Variants in BTAF1 observed in about 807,000 individuals in gnomAD.
The protein encoded by BTAF1 is TATA-binding protein-associated factor 172.
A neutral mutation model predicts 227.1 loss-of-function variants in BTAF1; 38 were observed. The observed-to-expected ratio is 0.17, with a 90% confidence interval of 0.13 to 0.22. The LOEUF is 0.22. BTAF1 is among the 10% of genes least tolerant of loss of function. The probability of loss-of-function intolerance (pLI) is 1.00; values close to 1 mark genes in which losing one functional copy is unlikely to be tolerated. For synonymous variants in BTAF1, 742 were observed against 751.9 expected (o/e 0.99, Z 0.21); for missense variants, 1,598 against 2,204.0 (o/e 0.73, Z 5.51).
At chr10:91,928,302 A>G (rs1844008683) in intron 1 of BTAF1, among the ~76,000 whole-genome samples, 1 of 152,162 alleles carries the variant, frequency 6.6e-6, no homozygotes, top group Admixed American at 6.5e-5. Flanking sequence ...TCTGTAGCTG[A>G]ATTACATCTT....
In BTAF1 at chr10:91,962,524, G is replaced by A; in HGVS notation, c.1264-14G>A. Reference sequence around the variant, plus strand: ...GAATAGAAAATTAATTTATTTTCATGTACTGTTTTACAGGATGTAATTAAT... The same window carrying A: ...GAATAGAAAATTAATTTATTTTCATATACTGTTTTACAGGATGTAATTAAT... On this transcript the variant is annotated splice_polypyrimidine_tract_variant and intron_variant, in intron 11 of 37. Transcript: ENST00000265990. The A allele has an allele frequency of 5.4e-6, 8 of 1,482,804 alleles. No homozygotes were observed. The highest frequency in any genetic ancestry group is 1.8e-4 in the Middle Eastern group (1 of 5,670). The allele number at this position is 1,482,804 out of a possible 1,614,324, so 91.9% of individuals were successfully genotyped here. A position where few individuals can be genotyped will look rare whatever the true frequency, so the allele number is the denominator to read the frequency against.
intron 16 of BTAF1, 41 bp from the exon 17 acceptor site, chr10:91,982,042 A>G (rs771640367): frequency 2.5e-6 from 4 of 1,583,202 alleles, no homozygotes; most frequent in Middle Eastern, 3.4e-4. Flanking sequence ...TTCAGTTTTA[A>G]TGGTTAATCT....
intron 15 of BTAF1, 133 bp from the exon 16 acceptor site, chr10:91,981,510 C>G: frequency 1.1e-6 from 1 of 938,104 alleles, no homozygotes; most frequent in South Asian, 2.9e-5. Context: ...CAAAATAAGC[C>G]TCTATATTGA....
chr10:91,999,838 A>T (rs1025146438), intron 25 of BTAF1, among the ~76,000 whole-genome samples: 3 of 152,216 alleles, frequency 2.0e-5, no homozygotes, highest in Non-Finnish European at 4.4e-5. Flanking sequence ...TTAACATAGG[A>T]TTCCTTTTTT....
At chr10:92,005,527 T>C (rs1488464556) in intron 25 of BTAF1, among the ~76,000 whole-genome samples, 1 of 152,198 alleles carries the variant, frequency 6.6e-6, no homozygotes, top group East Asian at 1.9e-4. Context: ...TTTCAGTGTA[T>C]AGATCTTTCA....
chr10:91,997,620 G>A lies in BTAF1; in HGVS notation c.3529G>A (p.Asp1177Asn). The change falls in exon 25 of 38, where the codon GAT (aspartate) becomes AAT (asparagine). Residue 1177 changes from aspartate (D) to asparagine (N), a missense_variant. Asp to Asn is a conservative substitution (Grantham distance 23, BLOSUM62 1). Transcript: ENST00000265990. Reference protein sequence around the residue: ...EALACVMEQLDVGIVPYIVLL... With the variant: ...EALACVMEQLNVGIVPYIVLL... ...TTACTCAGGTGTAATGGAACAACTAGATGTTGGTATTGTTCCATATATTGT... is the reference window on the plus strand; with the variant it reads ...TTACTCAGGTGTAATGGAACAACTAAATGTTGGTATTGTTCCATATATTGT... The A allele has an allele frequency of 6.2e-7, 1 of 1,613,360 alleles. No individual in the cohort carries two copies. Among genetic ancestry groups the A allele is most frequent in the Non-Finnish European group, 8.5e-7 (1 of 1,179,462 alleles).
chr10:92,018,297 G>A (rs1480637867), intron 33 of BTAF1, among the ~76,000 whole-genome samples: 3 of 152,108 alleles, frequency 2.0e-5, no homozygotes, highest in African/African-American at 4.8e-5. Context: ...TTGGCCAGCT[G>A]GTCTTGAACT....
At chr10:91,952,009 G>C (rs1284677056) in intron 5 of BTAF1, among the ~76,000 whole-genome samples, 4 of 151,092 alleles carry the variant, frequency 2.6e-5, no homozygotes, top group Non-Finnish European at 2.9e-5. Context: ...ATAATATGAA[G>C]TAAAAGGAAG....
At position 92,028,774 on chromosome 10, in the gene BTAF1, G is replaced by A; in HGVS notation, c.5407-16G>A. 8.4e-7 allele frequency: 1 copy of A among 1,189,994 alleles called. No homozygotes were observed. The highest frequency in any genetic ancestry group is 2.1e-5 in the South Asian group (1 of 46,716). The allele number at this position is 1,189,994 out of a possible 1,614,324, so 73.7% of individuals were successfully genotyped here. On this transcript the variant is annotated splice_polypyrimidine_tract_variant and intron_variant, in intron 37 of 37. Transcript: ENST00000265990. ...CTCTCATTTTATTTTTTTTTTTTTTGCCAATTTTTCTTAAGGATGGCAAAG... is the reference window on the plus strand; with the variant it reads ...CTCTCATTTTATTTTTTTTTTTTTTACCAATTTTTCTTAAGGATGGCAAAG...
intron 4 of BTAF1, among the ~76,000 whole-genome samples, chr10:91,945,506 ACTCTAGATGC>A (rs1314046463): frequency 4.0e-5 from 6 of 151,282 alleles, no homozygotes; most frequent in Admixed American, 4.0e-4. Flanking sequence ...GAATTTGACT[ACTCTAGATGC>A]CTCATGTAAG....
chr10:92,010,131 TCA>T (rs1850197205), intron 28 of BTAF1, among the ~76,000 whole-genome samples: 2 of 152,168 alleles, frequency 1.3e-5, no homozygotes, highest in Admixed American at 1.3e-4. Flanking sequence ...TTATGTATTC[TCA>T]CAGTCACTTT....
chr10:91,924,268 G>C (rs1032287076), intron 1 of BTAF1, among the ~76,000 whole-genome samples, 178 bp downstream of exon 1: 7 of 152,234 alleles, frequency 4.6e-5, no homozygotes, highest in Non-Finnish European at 1.0e-4. Flanking sequence ...GGTTACTCCT[G>C]GGTAAATCGG....
intron 28 of BTAF1, among the ~76,000 whole-genome samples, chr10:92,010,674 A>G (rs1284583436): frequency 6.6e-6 from 1 of 152,110 alleles, no homozygotes; most frequent in East Asian, 1.9e-4. Flanking sequence ...TCCCAAAACA[A>G]CCTTTGTGGT....
At position 92,008,840 on chromosome 10, in the gene BTAF1, C is replaced by T. The variant is rs371507901; in HGVS notation, c.3825C>T (p.Asn1275=). 26 of 1,607,066 alleles carry T rather than the reference C, an allele frequency of 1.6e-5. No homozygotes were observed. Among genetic ancestry groups the T allele is most frequent in the Non-Finnish European group, 1.7e-5 (20 of 1,176,330 alleles). The part of the protein sequence containing the change: ...ELRKYQQDGV[N]WLAFLNKYKL... ...TTTCTCTCTATCAGGATGGTGTGAA[C>T]TGGTTAGCATTTCTTAATAAGTATA... The change falls in exon 27 of 38, where the codon AAC becomes AAT. Residue 1275 remains asparagine, a synonymous_variant. Transcript: ENST00000265990.
rs537525378 is a variant in BTAF1, at chr10:92,012,521, G to A, written c.4311+1106G>A. ...CACGGTGGCTCATGCCTGTAATCTC[G>A]GCACATTGGGAGGTTGAGGCGGGTG... On this transcript the variant is annotated intron_variant, in intron 30 of 37. Transcript: ENST00000265990. Among the ~76,000 whole-genome samples the A allele has an allele frequency of 6.6e-5, 10 of 150,830 alleles. No homozygotes were observed. In the East Asian group the frequency reaches 8.0e-4, roughly 12 times the overall value.
intron 20 of BTAF1, 124 bp from the exon 21 acceptor site, chr10:91,991,995 A>G: frequency 1.5e-6 from 1 of 656,428 alleles, no homozygotes; most frequent in Non-Finnish European, 2.4e-6. Context: ...GGAAAATGTC[A>G]TTGGCCTATA....
chr10:91,944,976 G>T (rs1017051122), intron 4 of BTAF1, among the ~76,000 whole-genome samples: 1 of 152,162 alleles, frequency 6.6e-6, no homozygotes, highest in African/African-American at 2.4e-5. Context: ...TGCTATACAG[G>T]TTTGTAGCCT....
In BTAF1 at chr10:91,989,425, G is replaced by A. The variant is rs571192679; in HGVS notation, c.2699G>A (p.Cys900Tyr). The change falls in exon 20 of 38, where the codon TGC becomes TAC. Residue 900 changes from cysteine (C) to tyrosine (Y), a missense_variant. Coordinates refer to ENST00000265990, the MANE Select transcript of BTAF1 (RefSeq NM_003972.3). ...NTLVQNYAAQCIAKLLQQCTT... is the reference protein window; with the variant it reads ...NTLVQNYAAQYIAKLLQQCTT... The stretch of plus-strand genomic sequence containing the variant: ...CTAGTGCAAAACTATGCAGCTCAGT[G>A]CATAGCTAAACTCCTTCAGCAGTGC... 3.1e-6 allele frequency: 5 copies of A among 1,614,162 alleles called. No individual in the cohort carries two copies. The highest frequency in any genetic ancestry group is 1.1e-5 in the South Asian group (1 of 91,086).
At chr10:91,958,916 A>G in intron 8 of BTAF1, 149 bp from the exon 9 acceptor site, 2 of 682,506 alleles carry the variant, frequency 2.9e-6, no homozygotes, top group Non-Finnish European at 4.9e-6. Flanking sequence ...TTCTTCTTAG[A>G]TAGTTGAAGA....
Sources: allele counts gnomAD v4.1 joint callset (sites outside exome capture counted in the v4.1 genomes callset), GRCh38; gene constraint gnomAD v4.1.1; transcripts MANE v1.5; gene names NCBI Gene and HGNC (gene_info 2026-07-23, HGNC 2026-07-21).